STXBP6: variants seen among roughly 807,000 people sequenced by gnomAD.
STXBP6 encodes the protein syntaxin-binding protein 6.
In STXBP6, 21 loss-of-function variants were observed where a neutral mutation model predicts 26.9. The observed-to-expected ratio is 0.78, with a 90% confidence interval of 0.55 to 1.12. The LOEUF is 1.12. Ranked by LOEUF, STXBP6 falls within the 50% of genes most tolerant of loss-of-function variation. The probability of loss-of-function intolerance (pLI) is 0.00; values close to 1 mark genes in which losing one functional copy is unlikely to be tolerated. For missense variants in STXBP6, 232 were observed against 257.9 expected, an observed-to-expected ratio of 0.90 and a Z score of 0.69; for synonymous variants, 97 against 92.6, an observed-to-expected ratio of 1.05 and a Z score of -0.27.
chr14:24,938,005 T>C (rs1439285814), intron 2 of STXBP6, among the ~76,000 whole-genome samples: 2 of 152,214 alleles, frequency 1.3e-5, no homozygotes, highest in African/African-American at 4.8e-5. Context: ...CAAAATCATA[T>C]ACGAGCAATC....
intron 4 of STXBP6, among the ~76,000 whole-genome samples, chr14:24,834,809 G>A (rs2068563724): frequency 6.6e-6 from 1 of 152,116 alleles, no homozygotes; most frequent in South Asian, 2.1e-4. Flanking sequence ...GAGATGACTT[G>A]TTTGCAGACT....
intron 1 of STXBP6, among the ~76,000 whole-genome samples, chr14:25,004,362 A>G (rs2074840029): frequency 6.6e-6 from 1 of 152,244 alleles, no homozygotes; most frequent in Non-Finnish European, 1.5e-5. Context: ...AAGGGAAAAG[A>G]GCACTCAATC....
At chr14:25,047,153 C>A (rs1482116419) in intron 1 of STXBP6, among the ~76,000 whole-genome samples, 1 of 152,160 alleles carries the variant, frequency 6.6e-6, no homozygotes, top group East Asian at 1.9e-4. Context: ...CTCCTTTCCA[C>A]AAATGTCTGA....
At chr14:24,984,648 C>A (rs563177493) in intron 1 of STXBP6, among the ~76,000 whole-genome samples, 2 of 152,282 alleles carry the variant, frequency 1.3e-5, no homozygotes, top group African/African-American at 2.4e-5. Context: ...GAATGGTGAT[C>A]GAAAGGCTTC....
intron 1 of STXBP6, among the ~76,000 whole-genome samples, chr14:24,981,984 A>G (rs1248113581): frequency 6.6e-6 from 1 of 152,206 alleles, no homozygotes; most frequent in African/African-American, 2.4e-5. Context: ...TTGCAATTTT[A>G]TGTGTATATT....
Position 25,049,649 on chromosome 14 carries a change from A to T in STXBP6, c.-33+229T>A, listed in dbSNP as rs1378052354. 2.0e-6 allele frequency: 2 copies of T among 985,402 alleles called. No individual in the cohort carries two copies. Among genetic ancestry groups the T allele is most frequent in the Non-Finnish European group, 2.4e-6 (2 of 830,030 alleles). The allele number at this position is 985,402 out of a possible 1,614,324, so 61.0% of individuals were successfully genotyped here. On this transcript the variant is annotated intron_variant, in intron 1 of 5. Transcript: ENST00000323944. This position sits in a 1 kb window ranked among gnomAD's most constrained non-coding sequence, Gnocchi z 5.6. ...CCCAGGGTTGGAGAGAACCAGGGAC[A>T]CGAGTCCCTCTCTGCGCGCACAAAG...
chr14:24,844,728 T>G (rs1271430744), intron 4 of STXBP6, among the ~76,000 whole-genome samples: 1 of 152,214 alleles, frequency 6.6e-6, no homozygotes, highest in Non-Finnish European at 1.5e-5. Context: ...AAACTGCATT[T>G]CAGGTGCTCA....
intron 2 of STXBP6, among the ~76,000 whole-genome samples, chr14:24,954,508 C>T (rs11159006): frequency 0.45 from 68,129 of 151,978 alleles, 15,430 homozygotes; most frequent in Non-Finnish European, 0.48. Context: ...ACTATGTCTA[C>T]AGGCTCACTA....
chr14:24,897,768 T>C lies in STXBP6; in HGVS notation c.155-40611A>G, dbSNP rs542343879. Reference sequence around the variant, plus strand: ...CAAGGGAGTCTTTTAAGAGGTGACATATAAGTGTGGGTAATCAGTACCATG... The same window carrying C: ...CAAGGGAGTCTTTTAAGAGGTGACACATAAGTGTGGGTAATCAGTACCATG... On this transcript the variant is annotated intron_variant, in intron 2 of 5. Coordinates refer to ENST00000323944, the MANE Select transcript of STXBP6 (RefSeq NM_001394410.1). Among the ~76,000 whole-genome samples, 100 of 152,282 alleles carry C rather than the reference T, an allele frequency of 6.6e-4. 1 individual carries two copies. Among genetic ancestry groups the C allele is most frequent in the African/African-American group, 2.4e-3 (98 of 41,554 alleles).
chr14:24,934,498 A>G (rs991157019), intron 2 of STXBP6, among the ~76,000 whole-genome samples: 2 of 152,204 alleles, frequency 1.3e-5, no homozygotes, highest in Non-Finnish European at 2.9e-5. Flanking sequence ...GACAAAATGT[A>G]GCACTCTCAT....
intron 2 of STXBP6, among the ~76,000 whole-genome samples, chr14:24,897,847 A>C (rs1045978461): frequency 6.6e-6 from 1 of 152,202 alleles, no homozygotes; most frequent in African/African-American, 2.4e-5. Context: ...GGTTTGGCCA[A>C]GGGAAGATGC....
intron 1 of STXBP6, among the ~76,000 whole-genome samples, chr14:25,004,626 G>A (rs1337059057): frequency 6.6e-6 from 1 of 152,220 alleles, no homozygotes; most frequent in Non-Finnish European, 1.5e-5. Context: ...CCCACTTGAG[G>A]CAATCTGGTC....
At chr14:25,015,578 A>G (rs2075130854) in intron 1 of STXBP6, among the ~76,000 whole-genome samples, 1 of 152,192 alleles carries the variant, frequency 6.6e-6, no homozygotes, top group South Asian at 2.1e-4. Flanking sequence ...GAACTAGGCA[A>G]CAGTCAGAAT....
At chr14:24,978,225 TA>T (rs1307230269) in intron 1 of STXBP6, among the ~76,000 whole-genome samples, 5 of 152,234 alleles carry the variant, frequency 3.3e-5, no homozygotes. Flanking sequence ...GTCCTTCCTT[TA>T]TACCCACCAA....
intron 1 of STXBP6, among the ~76,000 whole-genome samples, chr14:25,032,722 G>A (rs1042760259): frequency 6.6e-6 from 1 of 152,170 alleles, no homozygotes; most frequent in Non-Finnish European, 1.5e-5. Flanking sequence ...ATTTCACAAA[G>A]TTACCAAATA....
At chr14:24,992,009 T>C (rs1345450585) in intron 1 of STXBP6, among the ~76,000 whole-genome samples, 1 of 152,196 alleles carries the variant, frequency 6.6e-6, no homozygotes, top group Non-Finnish European at 1.5e-5. Flanking sequence ...TTGCTCAACA[T>C]TCCAACAGCT....
At chr14:24,991,636 C>T (rs960297139) in intron 1 of STXBP6, among the ~76,000 whole-genome samples, 3 of 152,144 alleles carry the variant, frequency 2.0e-5, no homozygotes, top group Admixed American at 6.5e-5. Context: ...TGACTTTTGT[C>T]TTTTACATAA....
At chr14:24,898,857 C>T (rs1353764556) in intron 2 of STXBP6, among the ~76,000 whole-genome samples, 1 of 152,102 alleles carries the variant, frequency 6.6e-6, no homozygotes, top group Non-Finnish European at 1.5e-5. Flanking sequence ...TATGCAGACT[C>T]CTAGAAAAAC....
At chr14:24,873,870 G>C (rs2070034279) in intron 2 of STXBP6, among the ~76,000 whole-genome samples, 1 of 152,174 alleles carries the variant, frequency 6.6e-6, no homozygotes, top group African/African-American at 2.4e-5. Context: ...GTGTCTGCCT[G>C]AACTCCTGTG....
Sources: gnomAD v4.1 joint callset for allele counts (sites outside exome capture counted in the v4.1 genomes callset) on GRCh38, gnomAD v4.1.1 for gene constraint, Gnocchi (gnomAD v3.1) non-coding constraint, MANE v1.5 for transcripts, NCBI Gene and HGNC (gene_info 2026-07-23, HGNC 2026-07-21) for gene names.